The following GUCY1A2 variants were observed in gnomAD, a reference collection of about 807,000 sequenced individuals.
GUCY1A2 encodes the protein guanylate cyclase 1 soluble subunit alpha 2, also known as guanylate cyclase soluble subunit alpha-2.
Under a neutral mutation model 63.5 loss-of-function variants are expected in GUCY1A2, and 27 were observed. The ratio of observed to expected loss-of-function variants is 0.43; its 90% CI spans 0.31 to 0.59. The LOEUF is 0.59. Among genes scored for constraint, GUCY1A2 ranks in the 20% least tolerant of loss-of-function variants. The pLI is 0.11. For missense variants in GUCY1A2, 768 were observed against 913.3 expected (o/e 0.84, Z 2.05); for synonymous variants, 364 against 343.5 (o/e 1.06, Z -0.66).
At chr11:106,927,451 T>TG (rs1463937595) in intron 4 of GUCY1A2, among the ~76,000 whole-genome samples, 1 of 152,066 alleles carries the variant, frequency 6.6e-6, no homozygotes, top group African/African-American at 2.4e-5. Flanking sequence ...TTCTATAAAC[T>TG]GGGGGGATAA....
At chr11:106,696,234 C>T (rs1392789702) in intron 7 of GUCY1A2, among the ~76,000 whole-genome samples, 1 of 152,182 alleles carries the variant, frequency 6.6e-6, no homozygotes, top group Admixed American at 6.5e-5. Flanking sequence ...AGCCTAAAAA[C>T]TCCACTTCTA....
intron 6 of GUCY1A2, among the ~76,000 whole-genome samples, chr11:106,734,736 AC>A (rs1863560451): frequency 1.3e-5 from 2 of 152,178 alleles, no homozygotes; most frequent in South Asian, 2.1e-4. Context: ...ATGTTTTCCC[AC>A]CTGTTTCATT....
chr11:106,873,295 T>C (rs188936747), intron 4 of GUCY1A2, among the ~76,000 whole-genome samples: 2 of 152,168 alleles, frequency 1.3e-5, no homozygotes, highest in African/African-American at 2.4e-5. Context: ...AGTAGTGGGA[T>C]TGCTGGGTCA....
chr11:106,808,892 G>T (rs1019270951), intron 5 of GUCY1A2, among the ~76,000 whole-genome samples: 64 of 152,132 alleles, frequency 4.2e-4, no homozygotes, highest in Non-Finnish European at 7.6e-4. Context: ...AATTATAAGG[G>T]AGTTAAAGAT....
At chr11:106,745,463 A>T (rs1191118051) in intron 6 of GUCY1A2, among the ~76,000 whole-genome samples, 4 of 152,232 alleles carry the variant, frequency 2.6e-5, no homozygotes, top group African/African-American at 9.6e-5. Context: ...TTAAACAATA[A>T]AAACCTATCA....
intron 1 of GUCY1A2, among the ~76,000 whole-genome samples, chr11:107,012,814 C>T (rs1276152356): frequency 6.6e-6 from 1 of 152,054 alleles, no homozygotes; most frequent in African/African-American, 2.4e-5. Context: ...ACTTTGTTAG[C>T]CAAATTAAGC....
chr11:106,823,110 G>T (rs1334337275), intron 4 of GUCY1A2, among the ~76,000 whole-genome samples: 1 of 152,062 alleles, frequency 6.6e-6, no homozygotes, highest in South Asian at 2.1e-4. Flanking sequence ...AAAAAATGTA[G>T]ATTCAGGGGG....
At chr11:106,880,777 C>T (rs1015413635) in intron 4 of GUCY1A2, among the ~76,000 whole-genome samples, 1 of 152,036 alleles carries the variant, frequency 6.6e-6, no homozygotes, top group African/African-American at 2.4e-5. Context: ...AAGGGATATA[C>T]AAGATGCAAT....
chr11:106,880,170 C>T (rs754926549), intron 4 of GUCY1A2, among the ~76,000 whole-genome samples: 12 of 151,950 alleles, frequency 7.9e-5, no homozygotes, highest in Non-Finnish European at 1.5e-4. Context: ...GACACCATGG[C>T]CTAAGAAGAA....
chr11:106,778,484 C>T (rs1305884915), intron 5 of GUCY1A2, among the ~76,000 whole-genome samples: 1 of 151,974 alleles, frequency 6.6e-6, no homozygotes, highest in Non-Finnish European at 1.5e-5. Flanking sequence ...ACGGTGAAAC[C>T]CCATCTCTAC....
At chr11:106,901,948 A>G (rs1591320377) in intron 4 of GUCY1A2, among the ~76,000 whole-genome samples, 3 of 152,164 alleles carry the variant, frequency 2.0e-5, no homozygotes, top group African/African-American at 4.8e-5. Flanking sequence ...AATAACATGT[A>G]TATTTATTGC....
In GUCY1A2 at chr11:106,939,522, G is replaced by T. The variant is rs774580694; in HGVS notation, c.1144C>A (p.Leu382Met). The change falls in exon 4 of 8, where the codon CTG becomes ATG. Residue 382 changes from leucine to methionine, a missense_variant. Transcript: ENST00000526355. ...NATFERVLLR[L>M]STPFVIRTKP... Reference sequence around the variant, plus strand: ...GTTCTAATCACAAACGGGGTAGACAGTCGCAGCAGGACCCTTTCAAAGGTG... The same window carrying T: ...GTTCTAATCACAAACGGGGTAGACATTCGCAGCAGGACCCTTTCAAAGGTG... 1 of 1,613,462 alleles carries T rather than the reference G, an allele frequency of 6.2e-7. No homozygotes were observed. Among genetic ancestry groups the T allele is most frequent in the African/African-American group, 1.3e-5 (1 of 75,054 alleles).
At chr11:106,983,431 T>C (rs1270726605) in intron 2 of GUCY1A2, among the ~76,000 whole-genome samples, 1 of 152,178 alleles carries the variant, frequency 6.6e-6, no homozygotes, top group African/African-American at 2.4e-5. Flanking sequence ...AGTCCTTCTG[T>C]CTGTGACCCT....
At chr11:106,734,715 TA>T (rs890366993) in intron 6 of GUCY1A2, among the ~76,000 whole-genome samples, 5 of 152,090 alleles carry the variant, frequency 3.3e-5, no homozygotes, top group Non-Finnish European at 7.4e-5. Flanking sequence ...AAGTTGGAGG[TA>T]TTGTTGTCCA....
rs1180718967 is a variant in GUCY1A2, at chr11:106,824,676, A to T, written c.1207-14198T>A. 5.8e-6 allele frequency: 5 copies of T among 863,740 alleles called. No homozygotes were observed. The East Asian group carries it at 1.4e-4, about 24-fold the overall frequency. The allele number at this position is 863,740 out of a possible 1,614,324, so 53.5% of individuals were successfully genotyped here. On this transcript the variant is annotated intron_variant, in intron 4 of 7. Transcript: ENST00000526355. ...TTGAATAGAAATTTGTAGATAAAAA[A>T]CTAGACCCCTGTATACTTAAAAAGC...
chr11:106,870,124 A>G (rs1344812520), intron 4 of GUCY1A2, among the ~76,000 whole-genome samples: 188 of 76,438 alleles, frequency 2.5e-3, no homozygotes, highest in Admixed American at 2.8e-3. Flanking sequence ...GGGAGGGGGG[A>G]GGGATAGCAT....
intron 4 of GUCY1A2, among the ~76,000 whole-genome samples, chr11:106,837,505 T>C (rs923956407): frequency 1.3e-5 from 2 of 152,010 alleles, no homozygotes; most frequent in Non-Finnish European, 2.9e-5. Context: ...TTTGGGTATA[T>C]ACCCAGTAAT....
At chr11:106,805,867 A>G (rs1444545915) in intron 5 of GUCY1A2, among the ~76,000 whole-genome samples, 1 of 152,146 alleles carries the variant, frequency 6.6e-6, no homozygotes, top group Admixed American at 6.5e-5. Flanking sequence ...ATCACAGCCT[A>G]AATTGTACAA....
At chr11:106,992,763 C>T (rs866166643) in intron 1 of GUCY1A2, among the ~76,000 whole-genome samples, 3 of 152,054 alleles carry the variant, frequency 2.0e-5, no homozygotes, top group African/African-American at 4.8e-5. Context: ...TAAATCAAAG[C>T]CATATCAACA....
Sources: allele counts gnomAD v4.1 joint callset (sites outside exome capture counted in the v4.1 genomes callset), GRCh38; gene constraint gnomAD v4.1.1; transcripts MANE v1.5; gene names NCBI Gene and HGNC (gene_info 2026-07-23, HGNC 2026-07-21).